CREM: variants seen among roughly 807,000 people sequenced by gnomAD.
CREM encodes the protein cAMP responsive element modulator.
A neutral mutation model predicts 37.3 loss-of-function variants in CREM; 13 were observed. The ratio of observed to expected loss-of-function variants is 0.35; its 90% CI spans 0.23 to 0.55. The LOEUF (loss-of-function observed/expected upper bound fraction) is 0.55. Among genes scored for constraint, CREM ranks in the 20% least tolerant of loss-of-function variants. CREM has a pLI of 0.88. For missense variants in CREM, 296 were observed against 362.3 expected, an observed-to-expected ratio of 0.82 and a Z score of 1.49; for synonymous variants, 124 against 120.2, an observed-to-expected ratio of 1.03 and a Z score of -0.21.
At position 35,167,328 on chromosome 10, in the gene CREM, A is replaced by G. The variant is rs558578013; in HGVS notation, c.169-11561A>G. ...TACATAAATATCAAGATAGTTTTCA[A>G]CTTCTTGCTTAGCTTGTTAGTGTAT... On this transcript the variant is annotated intron_variant, in intron 3 of 7. Transcript: ENST00000685392. 2.0e-5 allele frequency among the ~76,000 whole-genome samples: 3 copies of G among 152,292 alleles called. No homozygotes were observed. In the South Asian group the frequency reaches 6.2e-4, roughly 32 times the overall value.
At chr10:35,192,135 G>A (rs919508256) in intron 6 of CREM, among the ~76,000 whole-genome samples, 9 of 152,154 alleles carry the variant, frequency 5.9e-5, no homozygotes, top group African/African-American at 1.2e-4. Context: ...GGCAGCCACC[G>A]GAAGCTGGCT....
intron 6 of CREM, chr10:35,201,595 G>C (rs1392482416): frequency 7.3e-7 from 1 of 1,369,912 alleles, no homozygotes; most frequent in Admixed American, 2.3e-5. Flanking sequence ...CCAAAATTGA[G>C]AGTTCTAGGA....
chr10:35,131,388 T>C (rs1174552289), intron 1 of CREM, among the ~76,000 whole-genome samples: 1 of 152,136 alleles, frequency 6.6e-6, no homozygotes, highest in Non-Finnish European at 1.5e-5. Context: ...CAACTTAGAA[T>C]AGCAAAATAG....
chr10:35,132,651 T>C (rs1240774847), intron 1 of CREM, among the ~76,000 whole-genome samples: 3 of 152,240 alleles, frequency 2.0e-5, no homozygotes, highest in Non-Finnish European at 4.4e-5. Flanking sequence ...TGAAAGTTAC[T>C]GTTACTTTGC....
intron 3 of CREM, chr10:35,175,886 T>C (rs1290065805): frequency 6.4e-7 from 1 of 1,559,546 alleles, no homozygotes; most frequent in Non-Finnish European, 8.7e-7. Context: ...CAGAAGAGGC[T>C]CCCCAGCTGT....
intron 5 of CREM, among the ~76,000 whole-genome samples, chr10:35,180,996 AC>A (rs1245460448): frequency 6.6e-6 from 1 of 152,218 alleles, no homozygotes; most frequent in Non-Finnish European, 1.5e-5. Context: ...AGTGTTGGGA[AC>A]CACTAAGATG....
At chr10:35,157,945 A>G (rs1030467641) in intron 3 of CREM, among the ~76,000 whole-genome samples, 1 of 152,208 alleles carries the variant, frequency 6.6e-6, no homozygotes, top group Non-Finnish European at 1.5e-5. Context: ...TTATGTACTA[A>G]TAGTGAACTA....
At chr10:35,171,758 T>C (rs181241345) in intron 3 of CREM, among the ~76,000 whole-genome samples, 1 of 152,316 alleles carries the variant, frequency 6.6e-6, no homozygotes, top group African/African-American at 2.4e-5. Flanking sequence ...TACCTTATTC[T>C]ATGTACTTGG....
At chr10:35,147,254 C>T (rs955637814) in intron 2 of CREM, among the ~76,000 whole-genome samples, 2 of 151,724 alleles carry the variant, frequency 1.3e-5, no homozygotes, top group Non-Finnish European at 2.9e-5. Context: ...GGGGTTTCAC[C>T]GTGTTAGCCA....
At chr10:35,183,404 C>A (rs2094434036) in intron 5 of CREM, among the ~76,000 whole-genome samples, 1 of 152,160 alleles carries the variant, frequency 6.6e-6, no homozygotes, top group Non-Finnish European at 1.5e-5. Flanking sequence ...AGTTGCAGTT[C>A]TTAATAGTGA....
At chr10:35,192,613 T>C (rs2133892640) in intron 6 of CREM, among the ~76,000 whole-genome samples, 1 of 152,302 alleles carries the variant, frequency 6.6e-6, no homozygotes, top group East Asian at 1.9e-4. Flanking sequence ...CATCCTAAAG[T>C]GCTACGATTA....
At position 35,132,277 on chromosome 10, in the gene CREM, A is replaced by G. The variant is rs143251812; in HGVS notation, c.-55+5084A>G. 3.5e-3 allele frequency among the ~76,000 whole-genome samples: 537 copies of G among 151,774 alleles called. 5 individuals are homozygous for G. The highest frequency in any genetic ancestry group is 5.5e-3 in the Non-Finnish European group (375 of 67,966). On this transcript the variant is annotated intron_variant, in intron 1 of 7. Coordinates refer to ENST00000685392, the MANE Select transcript of CREM (RefSeq NM_183011.2). ...GCGGGGGAGGGAGGTGTTTGAAAGG[A>G]TGGAGACAGGCCATGATTATTTGAA... is the stretch of plus-strand genomic sequence containing the variant.
At chr10:35,197,398 AAATT>A (rs1461474810) in intron 6 of CREM, among the ~76,000 whole-genome samples, 1 of 151,296 alleles carries the variant, frequency 6.6e-6, no homozygotes, top group Non-Finnish European at 1.5e-5. Flanking sequence ...AATGAGTAAT[AAATT>A]TTATTTCATT....
intron 3 of CREM, among the ~76,000 whole-genome samples, chr10:35,155,505 A>G (rs750900230): frequency 3.3e-5 from 5 of 152,202 alleles, no homozygotes; most frequent in Non-Finnish European, 7.3e-5. Flanking sequence ...TGTGTCTTTT[A>G]CCACAATAAA....
At position 35,178,622 on chromosome 10, in the gene CREM, C is replaced by T. The variant is rs376956729; in HGVS notation, c.169-267C>T. Among the ~76,000 whole-genome samples, 6 of 150,986 alleles carry T rather than the reference C, an allele frequency of 4.0e-5. No individual in the cohort carries two copies. In the East Asian group the frequency reaches 6.0e-4, roughly 15 times the overall value. The stretch of plus-strand genomic sequence containing the variant: ...TTCCTGCAATGCCTCATTTGACATC[C>T]CAACCACTCTTTCCCTAGTATTTCT... On this transcript the variant is annotated intron_variant, in intron 3 of 7. Transcript: ENST00000685392.
At chr10:35,130,358 C>T (rs1301108674) in intron 1 of CREM, among the ~76,000 whole-genome samples, 1 of 151,992 alleles carries the variant, frequency 6.6e-6, no homozygotes, top group Non-Finnish European at 1.5e-5. Context: ...CTGTGCTGTT[C>T]TTAAGAATAA....
intron 2 of CREM, among the ~76,000 whole-genome samples, chr10:35,146,419 A>G (rs2092117158): frequency 6.6e-6 from 1 of 152,186 alleles, no homozygotes; most frequent in African/African-American, 2.4e-5. Context: ...TGGGAAAGAA[A>G]CCCTTTTAAT....
chr10:35,179,702 C>G (rs2094270675), intron 5 of CREM: 1 of 156,994 alleles, frequency 6.4e-6, no homozygotes, highest in Non-Finnish European at 1.4e-5. Context: ...TTTCACTACT[C>G]TCTACTCTGT....
intron 5 of CREM, among the ~76,000 whole-genome samples, chr10:35,186,841 T>C (rs1647340185): frequency 1.7e-5 from 2 of 115,606 alleles, no homozygotes; most frequent in African/African-American, 7.0e-5. Flanking sequence ...TATAGGTATA[T>C]ATACGTATAT....
Sources: gnomAD v4.1 joint callset for allele counts (sites outside exome capture counted in the v4.1 genomes callset) on GRCh38, gnomAD v4.1.1 for gene constraint, MANE v1.5 for transcripts, NCBI Gene and HGNC (gene_info 2026-07-23, HGNC 2026-07-21) for gene names.